NCAPG: variants seen among roughly 807,000 people sequenced by gnomAD.
NCAPG encodes the protein non-SMC condensin I complex subunit G.
Under a neutral mutation model 113.1 loss-of-function variants are expected in NCAPG, and 69 were observed. The observed-to-expected ratio is 0.61, with a 90% CI of 0.50 to 0.75. The LOEUF is 0.75. Among genes scored for constraint, NCAPG ranks in the 30% least tolerant of loss-of-function variants. NCAPG has a pLI of 0.00. For synonymous variants in NCAPG, 370 were observed against 415.8 expected (o/e 0.89, Z 1.34); for missense variants, 1,058 against 1,177.0 (o/e 0.90, Z 1.48).
chr4:17,837,821 G>A lies in NCAPG; in HGVS notation c.2466+20G>A, dbSNP rs1437343862. The A allele has an allele frequency of 3.7e-6, 6 of 1,612,388 alleles. No individual in the cohort carries two copies. In the Admixed American group the frequency reaches 5.0e-5, roughly 13 times the overall value. The stretch of plus-strand genomic sequence containing the variant: ...TATCAGGTGAGTGACTGTGGTAACT[G>A]CATGCAGATCACTGTTTTGGTAAAA... On this transcript the variant is annotated intron_variant, in intron 16 of 20. Coordinates refer to ENST00000251496, the MANE Select transcript of NCAPG (RefSeq NM_022346.5).
chr4:17,812,397 A>G lies in NCAPG; in HGVS notation c.288A>G (p.Leu96=), dbSNP rs773384582. ...AGGAAGAGGAAGATGGTGGCCTTTT[A>G]AATTATTTGTTTACTTTTCTCTTAA... ...DDEEEEDGGL[L]NYLFTFLLKS... is the part of the protein sequence containing the mutation. The change falls in exon 2 of 21, where the codon TTA becomes TTG. Residue 96 remains leucine, a synonymous_variant. Transcript: ENST00000251496. 13 of 1,613,538 alleles carry G rather than the reference A, an allele frequency of 8.1e-6. No individual in the cohort carries two copies. Among genetic ancestry groups the G allele is most frequent in the Non-Finnish European group, 1.1e-5 (13 of 1,179,752 alleles).
rs371623011 is a variant in NCAPG, at chr4:17,812,840, G to A, written c.316-77G>A. The A allele has an allele frequency of 1.6e-5, 20 of 1,223,134 alleles. No individual in the cohort carries two copies. The African/African-American group carries it at 2.1e-4, about 13-fold the overall frequency. 75.8% of individuals were successfully genotyped at this position (1,223,134 alleles called of 1,614,324 possible). On this transcript the variant is annotated intron_variant, in intron 2 of 20. Transcript: ENST00000251496. ...TGTTGTAACTTCTTGCATTCCGAAT[G>A]TATAGAGTTCAGATAATATTGATTA...
Position 17,817,451 on chromosome 4 carries a change from C to T in NCAPG, c.966C>T (p.Gly322=). 1 of 1,612,080 alleles carries T rather than the reference C, an allele frequency of 6.2e-7. No individual in the cohort carries two copies. Among genetic ancestry groups the T allele is most frequent in the Non-Finnish European group, 8.5e-7 (1 of 1,178,630 alleles). The change falls in exon 6 of 21, where the codon GGC becomes GGT. Residue 322 remains glycine, a splice_region_variant and synonymous_variant. Transcript: ENST00000251496. ...TGGGACTCTGTAAAAACAATGATGG[C>T]AGGTACATAAAGGATTCATTCTTTG... ...ELVGLCKNND[G]RKLIPVETLT... is the part of the protein sequence containing the mutation.
rs191391177 is a variant in NCAPG, at chr4:17,843,071, G to C, written c.2925-231G>C. On this transcript the variant is annotated intron_variant, in intron 20 of 20. Coordinates refer to ENST00000251496, the MANE Select transcript of NCAPG (RefSeq NM_022346.5). ...GGCTTTTTTTCCTGTATAACACCAGGTTCTGTTATAGTATATAAAATCATT... is the reference window on the plus strand; with the variant it reads ...GGCTTTTTTTCCTGTATAACACCAGCTTCTGTTATAGTATATAAAATCATT... 6.2e-5 allele frequency: 20 copies of C among 324,828 alleles called. No homozygotes were observed. In the East Asian group the frequency reaches 8.4e-4, roughly 14 times the overall value. The allele number at this position is 324,828 out of a possible 1,614,324, so 20.1% of individuals were successfully genotyped here.
intron 2 of NCAPG, 23 bp from the exon 3 acceptor site, chr4:17,812,894 A>C: frequency 6.3e-7 from 1 of 1,595,852 alleles, no homozygotes; most frequent in South Asian, 1.1e-5. Flanking sequence ...CTATGAATAA[A>C]TTTTGATTTG....
intron 9 of NCAPG, 107 bp downstream of exon 9, chr4:17,823,877 C>T (rs554060930): frequency 1.9e-5 from 17 of 909,152 alleles, no homozygotes; most frequent in South Asian, 3.2e-5. Flanking sequence ...GTTTTAGGTT[C>T]GTCTCTTTAA....
Position 17,814,800 on chromosome 4 carries a change from T to C in NCAPG, c.545-53T>C. On this transcript the variant is annotated intron_variant, in intron 3 of 20. Transcript: ENST00000251496. ...ATCAAAATGTGTGTTATTTTATGAC[T>C]GTAGTTAAATAAATAATTTCATCAG... The C allele has an allele frequency of 7.8e-6, 12 of 1,534,078 alleles. No homozygotes were observed. In the South Asian group the frequency reaches 1.1e-4, roughly 14 times the overall value.
At chr4:17,820,795 AT>A (rs1157106559) in intron 7 of NCAPG, among the ~76,000 whole-genome samples, 1 of 152,148 alleles carries the variant, frequency 6.6e-6, no homozygotes, top group East Asian at 1.9e-4. Flanking sequence ...CATACTGTAT[AT>A]TTTAGGCAGT....
chr4:17,815,086 TA>T, intron 4 of NCAPG, 88 bp downstream of exon 4: 1 of 1,526,956 alleles, frequency 6.5e-7, no homozygotes, highest in Non-Finnish European at 8.9e-7. Context: ...ACTTGGCATG[TA>T]ATAATTTCTT....
intron 9 of NCAPG, among the ~76,000 whole-genome samples, chr4:17,824,256 T>C (rs1721569006): frequency 6.6e-6 from 1 of 152,168 alleles, no homozygotes; most frequent in Non-Finnish European, 1.5e-5. Context: ...GCTTGATAAA[T>C]ACAGAAATAA....
intron 17 of NCAPG, 72 bp downstream of exon 17, chr4:17,839,909 T>C: frequency 6.8e-7 from 1 of 1,475,164 alleles, no homozygotes; most frequent in Non-Finnish European, 9.1e-7. Flanking sequence ...CATGGTTGTA[T>C]TAGATTATAC....
rs1342763355 is a variant in NCAPG, at chr4:17,843,308, TG to T, written c.2932del (p.Glu978LysfsTer9). 1.2e-6 allele frequency: 2 copies of T among 1,611,208 alleles called. No homozygotes were observed. Among genetic ancestry groups the T allele is most frequent in the African/African-American group, 2.7e-5 (2 of 74,794 alleles). ...TAEADSESDH[E>X]VPEPESEMKM... ...ATTTTCAACATCTATTTAGTGATCA[TG>T]AAGTTCCAGAACCAGAATCAGAAAT... On this transcript the variant is annotated frameshift_variant, in exon 21 of 21. Coordinates refer to ENST00000251496, the MANE Select transcript of NCAPG (RefSeq NM_022346.5). LOFTEE classifies it high-confidence loss of function.
chr4:17,812,009 A>G (rs1720988926), intron 1 of NCAPG, among the ~76,000 whole-genome samples: 1 of 152,218 alleles, frequency 6.6e-6, no homozygotes, highest in Non-Finnish European at 1.5e-5. Flanking sequence ...TTCACTGTCA[A>G]AAGTCAAGCT....
At chr4:17,841,824 C>CATGT (rs1202289990) in intron 19 of NCAPG, 1 of 153,106 alleles carries the variant, frequency 6.5e-6, no homozygotes, top group Non-Finnish European at 1.5e-5. Context: ...TTGAATTGGT[C>CATGT]ATGTATGTTA....
rs1005530947 is a variant in NCAPG at position 17,824,918 on chromosome 4, A to G, written c.1384-50A>G. 20 of 1,317,806 alleles carry G rather than the reference A, an allele frequency of 1.5e-5. No individual in the cohort carries two copies. In the African/African-American group the frequency reaches 2.5e-4, roughly 17 times the overall value. 81.6% of individuals were successfully genotyped at this position (1,317,806 alleles called of 1,614,324 possible). A position where few individuals can be genotyped will look rare whatever the true frequency, so the allele number is the denominator to read the frequency against. ...GAGTTTTATATAGAATTTTGATACT[A>G]TTTGCTGATATATCAAACATATATT... On this transcript the variant is annotated intron_variant, in intron 9 of 20. Transcript: ENST00000251496.
intron 7 of NCAPG, among the ~76,000 whole-genome samples, chr4:17,820,322 C>T (rs1217582445): frequency 1.3e-5 from 2 of 152,116 alleles, no homozygotes; most frequent in Non-Finnish European, 2.9e-5. Flanking sequence ...AAATTTTCGG[C>T]TGGGTGCGGT....
intron 3 of NCAPG, 78 bp from the exon 4 acceptor site, chr4:17,814,775 A>T (rs1721130312): frequency 4.8e-6 from 7 of 1,450,392 alleles, no homozygotes; most frequent in Admixed American, 1.8e-5. Context: ...ATTTTAAAAT[A>T]TCAAAATGTG....
chr4:17,844,782 A>G lies in NCAPG; in HGVS notation c.*1357A>G, dbSNP rs972754775. 1 of 152,434 alleles carries G rather than the reference A, an allele frequency of 6.6e-6. No homozygotes were observed. The highest frequency in any genetic ancestry group is 1.5e-5 in the Non-Finnish European group (1 of 67,902). The allele number at this position is 152,434 out of a possible 1,614,324, so 9.4% of individuals were successfully genotyped here. On this transcript the variant is annotated 3_prime_UTR_variant, in exon 21 of 21. Coordinates refer to ENST00000251496, the MANE Select transcript of NCAPG (RefSeq NM_022346.5). Reference sequence around the variant, plus strand: ...ATTCACACATGGCCAGGCTATCCAAAAAGAAAGGAGCCATGTTCTCATGTG... The same window carrying G: ...ATTCACACATGGCCAGGCTATCCAAGAAGAAAGGAGCCATGTTCTCATGTG...
At chr4:17,819,130 T>C (rs1721342258) in intron 7 of NCAPG, among the ~76,000 whole-genome samples, 1 of 152,150 alleles carries the variant, frequency 6.6e-6, no homozygotes, top group African/African-American at 2.4e-5. Context: ...TATATATTGG[T>C]GCATATATAA....
Sources: gnomAD v4.1 joint callset for allele counts (sites outside exome capture counted in the v4.1 genomes callset) on GRCh38, gnomAD v4.1.1 for gene constraint, MANE v1.5 for transcripts, NCBI Gene and HGNC (gene_info 2026-07-23, HGNC 2026-07-21) for gene names.